Variants in OR7G2 observed in about 807,000 individuals in gnomAD.
OR7G2 encodes olfactory receptor family 7 subfamily G member 2.
For synonymous variants in OR7G2, 153 were observed against 152.2 expected (o/e 1.01, Z -0.04); for missense variants, 362 against 384.0 (o/e 0.94, Z 0.48).
chr19:9,105,650 C>A (rs1288085147), intron 1 of OR7G2, among the ~76,000 whole-genome samples: 1 of 151,884 alleles, frequency 6.6e-6, no homozygotes, highest in Non-Finnish European at 1.5e-5. Context: ...AGTTCGAGAC[C>A]AGCCTAGCCA....
Position 9,103,175 on chromosome 19 carries a change from C to A in OR7G2, c.69G>T (p.Leu23=). Residue 23 remains leucine (L), a synonymous_variant, in exon 2 of 2, where the codon CTG becomes CTT. Transcript: ENST00000641081. ...GGAACAGGCTGAAAAGGACGGGCTGCAGTTCCGGATCCTCTATCAGTCCCA... is the reference window on the plus strand; with the variant it reads ...GGAACAGGCTGAAAAGGACGGGCTGAAGTTCCGGATCCTCTATCAGTCCCA... ...LLLGLIEDPE[L]QPVLFSLFLS... is the part of the protein sequence containing the mutation. 1.2e-6 allele frequency: 2 copies of A among 1,614,156 alleles called. No individual in the cohort carries two copies. Among genetic ancestry groups the A allele is most frequent in the East Asian group, 4.5e-5 (2 of 44,882 alleles).
At position 9,107,474 on chromosome 19, in the gene OR7G2, C is replaced by T. The variant is rs565959611; in HGVS notation, c.-177G>A. On this transcript the variant is annotated 5_prime_UTR_variant, in exon 1 of 2. Coordinates refer to ENST00000641081, the MANE Select transcript of OR7G2 (RefSeq NM_001005193.2). ...CCTGACTTGTTGCACTGTCTATATC[C>T]CTGGGACCTCAATATCCAACGCTCC... 5.9e-5 allele frequency: 9 copies of T among 152,170 alleles called. No homozygotes were observed. The highest frequency in any genetic ancestry group is 5.9e-4 in the Admixed American group (9 of 15,252). 9.4% of individuals were successfully genotyped at this position (152,170 alleles called of 1,614,324 possible). A position where few individuals can be genotyped will look rare whatever the true frequency, so the allele number is the denominator to read the frequency against.
intron 1 of OR7G2, among the ~76,000 whole-genome samples, chr19:9,104,766 G>T (rs1306068046): frequency 6.6e-6 from 1 of 151,732 alleles, no homozygotes; most frequent in Middle Eastern, 3.2e-3. Flanking sequence ...GGCAGAGCTT[G>T]CAGTGAGCCG....
intron 1 of OR7G2, among the ~76,000 whole-genome samples, chr19:9,104,950 A>ATTTTC (rs1319218856): frequency 6.6e-6 from 1 of 150,690 alleles, no homozygotes; most frequent in Non-Finnish European, 1.5e-5. Flanking sequence ...TGTTCCCTCC[A>ATTTTC]TTTTCTTTTC....
At chr19:9,106,772 A>G (rs370815358) in intron 1 of OR7G2, among the ~76,000 whole-genome samples, 4 of 149,702 alleles carry the variant, frequency 2.7e-5, no homozygotes, top group African/African-American at 9.9e-5. Flanking sequence ...TTTCAAAACC[A>G]CCGCTTCATG....
Position 9,101,578 on chromosome 19 carries a change from G to A in OR7G2, c.*691C>T, listed in dbSNP as rs1409664705. ...AAAAGTACAAAAATTAGCCGGGTGTGGTGTCGTGCACCTGTAGTCCCAGCT... is the reference window on the plus strand; with the variant it reads ...AAAAGTACAAAAATTAGCCGGGTGTAGTGTCGTGCACCTGTAGTCCCAGCT... On this transcript the variant is annotated 3_prime_UTR_variant, in exon 2 of 2. Transcript: ENST00000641081. 1 of 152,026 alleles carries A rather than the reference G, an allele frequency of 6.6e-6. No homozygotes were observed. The highest frequency in any genetic ancestry group is 2.4e-5 in the African/African-American group (1 of 41,394). The allele number at this position is 152,026 out of a possible 1,614,324, so 9.4% of individuals were successfully genotyped here.
chr19:9,102,636 G>A lies in OR7G2; in HGVS notation c.608C>T (p.Ala203Val). The change falls in exon 2 of 2, where the codon GCT (alanine) becomes GTT (valine). Residue 203 changes from alanine (A) to valine (V), a missense_variant. Coordinates refer to ENST00000641081, the MANE Select transcript of OR7G2 (RefSeq NM_001005193.2). The part of the protein sequence containing the change: ...LINNILIYFA[A>V]CIFGGVPLSG... The stretch of plus-strand genomic sequence containing the variant: ...CAGAGGAACACCACCAAATATGCAA[G>A]CTGCAAAATATATCAGGATGTTATT... The A allele has an allele frequency of 6.2e-7, 1 of 1,614,176 alleles. No homozygotes were observed.
In OR7G2 at chr19:9,102,397, G is replaced by A. The variant is rs1284158628; in HGVS notation, c.847C>T (p.Gln283Ter). ...CTATAGATAAAGGGGTTCACCATTT[G>A]AGGGAACACAGAATACATCACTGAA... ...VASVMYSVFPQMVNPFIYSLR... is the reference protein window; with the variant it reads ...VASVMYSVFP The change falls in exon 2 of 2, where the codon CAA (glutamine) becomes TAA (stop). Residue 283 changes from glutamine to a stop codon, truncating the protein, a stop_gained. Transcript: ENST00000641081. LOFTEE classifies it low-confidence loss of function (END_TRUNC). 1.9e-6 allele frequency: 3 copies of A among 1,613,812 alleles called. No homozygotes were observed. The highest frequency in any genetic ancestry group is 2.5e-6 in the Non-Finnish European group (3 of 1,179,850).
In OR7G2 at chr19:9,101,687, C is replaced by G. The variant is rs576390128; in HGVS notation, c.*582G>C. The G allele has an allele frequency of 6.5e-6, 1 of 152,672 alleles. No homozygotes were observed. The highest frequency in any genetic ancestry group is 6.5e-5 in the Admixed American group (1 of 15,300). The allele number at this position is 152,672 out of a possible 1,614,324, so 9.5% of individuals were successfully genotyped here. A position where few individuals can be genotyped will look rare whatever the true frequency, so the allele number is the denominator to read the frequency against. On this transcript the variant is annotated 3_prime_UTR_variant, in exon 2 of 2. Transcript: ENST00000641081. ...CCGAGATCACACCACTGCACTCCAG[C>G]CTGGCCGACAGAGCGAGACTCTGTC...
At chr19:9,106,928 G>A (rs1249158977) in intron 1 of OR7G2, among the ~76,000 whole-genome samples, 1 of 151,972 alleles carries the variant, frequency 6.6e-6, no homozygotes, top group African/African-American at 2.4e-5. Flanking sequence ...TATATAGCCA[G>A]GCACTGTGGC....
intron 1 of OR7G2, 192 bp from the exon 2 acceptor site, chr19:9,103,451 C>A: frequency 1.2e-5 from 6 of 495,204 alleles, no homozygotes; most frequent in Admixed American, 3.5e-5. Flanking sequence ...AGAAACAGTT[C>A]AAAACATTTA....
At position 9,100,758 on chromosome 19, in the gene OR7G2, G is replaced by C. The variant is rs1028395251; in HGVS notation, c.*1511C>G. 1.3e-5 allele frequency: 2 copies of C among 152,132 alleles called. No homozygotes were observed. The highest frequency in any genetic ancestry group is 2.9e-5 in the Non-Finnish European group (2 of 68,032). 9.4% of individuals were successfully genotyped at this position (152,132 alleles called of 1,614,324 possible). A position where few individuals can be genotyped will look rare whatever the true frequency, so the allele number is the denominator to read the frequency against. ...GAAAACTTAGCTCCCTTGACCCACT[G>C]TAGGTCTACACTGGGGTGCAATTGA... On this transcript the variant is annotated 3_prime_UTR_variant, in exon 2 of 2. Transcript: ENST00000641081.
chr19:9,101,804 A>G lies in OR7G2; in HGVS notation c.*465T>C, dbSNP rs375101009. 2 of 155,510 alleles carry G rather than the reference A, an allele frequency of 1.3e-5. No homozygotes were observed. Among genetic ancestry groups the G allele is most frequent in the African/African-American group, 4.8e-5 (2 of 41,478 alleles). The allele number at this position is 155,510 out of a possible 1,614,324, so 9.6% of individuals were successfully genotyped here. On this transcript the variant is annotated 3_prime_UTR_variant, in exon 2 of 2. Transcript: ENST00000641081. ...TCTAGAGAATTAAAATCACATGTCCATCATCACAGATCCAGACATAAAAAG... is the reference window on the plus strand; with the variant it reads ...TCTAGAGAATTAAAATCACATGTCCGTCATCACAGATCCAGACATAAAAAG...
chr19:9,102,804 A>G lies in OR7G2; in HGVS notation c.440T>C (p.Leu147Pro), dbSNP rs141154455. The change falls in exon 2 of 2, where the codon CTC becomes CCC. Residue 147 changes from leucine (L) to proline (P), a missense_variant. Leu to Pro is a moderately conservative substitution (Grantham distance 98). Coordinates refer to ENST00000641081, the MANE Select transcript of OR7G2 (RefSeq NM_001005193.2). ...ATTCACAACACTAGTCAACAGAGAG[A>G]GAAGAATCAGCAGGCCACAGAGGCG... is the stretch of plus-strand genomic sequence containing the variant. ...NPRLCGLLIL[L>P]SLLTSVVNAL... 19 of 1,613,782 alleles carry G rather than the reference A, an allele frequency of 1.2e-5. No homozygotes were observed. In the African/African-American group the frequency reaches 2.3e-4, roughly 19 times the overall value.
chr19:9,103,185 T>C lies in OR7G2; in HGVS notation c.59A>G (p.Asp20Gly). The C allele has an allele frequency of 1.9e-6, 3 of 1,614,090 alleles. No individual in the cohort carries two copies. The highest frequency in any genetic ancestry group is 2.5e-6 in the Non-Finnish European group (3 of 1,180,002). The change falls in exon 2 of 2, where the codon GAT becomes GGT. Residue 20 changes from aspartate (D) to glycine (G), a missense_variant. By Grantham distance (94) the Asp-to-Gly change is moderately conservative. Coordinates refer to ENST00000641081, the MANE Select transcript of OR7G2 (RefSeq NM_001005193.2). ...GAAAAGGACGGGCTGCAGTTCCGGA[T>C]CCTCTATCAGTCCCAGGAGAAGGAA... Reference protein sequence around the residue: ...SKFLLLGLIEDPELQPVLFSL... With the variant: ...SKFLLLGLIEGPELQPVLFSL...
rs2335072 is a variant in OR7G2, at chr19:9,107,378, T to G, written c.-81A>C. On this transcript the variant is annotated 5_prime_UTR_variant, in exon 1 of 2. Transcript: ENST00000641081. ...GACAGACTCGAGTCCTGGTCAAAAA[T>G]ATCATGTCTGGAAGGAGGTTCTGAT... 55,117 of 151,908 alleles carry G rather than the reference T, an allele frequency of 0.36. 10,577 individuals are homozygous for G. Among genetic ancestry groups the G allele is most frequent in the East Asian group, 0.62 (3,193 of 5,164 alleles). 9.4% of individuals were successfully genotyped at this position (151,908 alleles called of 1,614,324 possible).
rs1213536734 is a variant in OR7G2 at position 9,100,770 on chromosome 19, T to C, written c.*1499A>G. On this transcript the variant is annotated 3_prime_UTR_variant, in exon 2 of 2. Transcript: ENST00000641081. ...CCCTTGACCCACTGTAGGTCTACAC[T>C]GGGGTGCAATTGACAAGACCCTAAA... The C allele has an allele frequency of 6.6e-6, 1 of 152,188 alleles. No homozygotes were observed. The highest frequency in any genetic ancestry group is 1.5e-5 in the Non-Finnish European group (1 of 68,034). 9.4% of individuals were successfully genotyped at this position (152,188 alleles called of 1,614,324 possible).
chr19:9,103,447 A>G, intron 1 of OR7G2, 188 bp from the exon 2 acceptor site: 1 of 596,168 alleles, frequency 1.7e-6, no homozygotes, highest in South Asian at 2.1e-5. Context: ...TTTGAGAAAC[A>G]GTTCAAAACA....
Position 9,102,141 on chromosome 19 carries a change from G to A in OR7G2, c.*128C>T. On this transcript the variant is annotated 3_prime_UTR_variant, in exon 2 of 2. Transcript: ENST00000641081. ...TGGCTTGAACCCGGAGGCGGAAGTTGCAGTGAGCCGAGGTCGTGCCATTGC... is the reference window on the plus strand; with the variant it reads ...TGGCTTGAACCCGGAGGCGGAAGTTACAGTGAGCCGAGGTCGTGCCATTGC... The A allele has an allele frequency of 1.3e-6, 1 of 772,534 alleles. No homozygotes were observed. The highest frequency in any genetic ancestry group is 3.0e-5 in the Admixed American group (1 of 33,730). 47.9% of individuals were successfully genotyped at this position (772,534 alleles called of 1,614,324 possible).
Sources: gnomAD v4.1 joint callset for allele counts (sites outside exome capture counted in the v4.1 genomes callset) on GRCh38, gnomAD v4.1.1 for gene constraint, MANE v1.5 for transcripts, NCBI Gene and HGNC (gene_info 2026-07-23, HGNC 2026-07-21) for gene names.